Variants in HNRNPUL1 observed in about 807,000 individuals in gnomAD.
The protein encoded by HNRNPUL1 is heterogeneous nuclear ribonucleoprotein U-like protein 1.
In HNRNPUL1, 14 loss-of-function variants were observed where a neutral mutation model predicts 108.5. The ratio of observed to expected loss-of-function variants is 0.13; its 90% CI spans 0.09 to 0.20. HNRNPUL1 has a LOEUF of 0.20. HNRNPUL1 is among the 10% of genes least tolerant of loss of function. HNRNPUL1 has a pLI of 1.00. For missense variants in HNRNPUL1, 804 were observed against 1,168.3 expected (o/e 0.69, Z 4.55); for synonymous variants, 422 against 445.2 (o/e 0.95, Z 0.66).
chr19:41,297,637 C>T (rs1295697237), intron 10 of HNRNPUL1, among the ~76,000 whole-genome samples: 1 of 152,170 alleles, frequency 6.6e-6, no homozygotes, highest in Non-Finnish European at 1.5e-5. Flanking sequence ...TTCTGGGGAG[C>T]CTCCGCAGGG....
intron 7 of HNRNPUL1, among the ~76,000 whole-genome samples, chr19:41,285,337 C>T (rs1177275610): frequency 6.6e-6 from 1 of 152,160 alleles, no homozygotes; most frequent in Non-Finnish European, 1.5e-5. Flanking sequence ...AGCTATTCTA[C>T]CTCAGCGACC....
rs753929167 is a variant in HNRNPUL1 at position 41,268,351 on chromosome 19, A to G, written c.418+6A>G. On this transcript the variant is annotated splice_donor_region_variant and intron_variant, in intron 2 of 14. Transcript: ENST00000392006. ...GCAGCAGGCCTATCGTCCAGGTAGG[A>G]AAATACACATGGTTCATCTCTTTGG... 45 of 1,612,974 alleles carry G rather than the reference A, an allele frequency of 2.8e-5. No homozygotes were observed. The highest frequency in any genetic ancestry group is 3.8e-5 in the Non-Finnish European group (45 of 1,179,562).
At chr19:41,303,891 A>G (rs1352157961) in intron 12 of HNRNPUL1, 81 bp from the exon 13 acceptor site, 2 of 1,516,676 alleles carry the variant, frequency 1.3e-6, no homozygotes, top group East Asian at 4.5e-5. Flanking sequence ...GCCGGCTCAC[A>G]GTAGTCACCA....
intron 1 of HNRNPUL1, among the ~76,000 whole-genome samples, chr19:41,267,089 A>G (rs2034899080): frequency 6.6e-6 from 1 of 152,206 alleles, no homozygotes. Context: ...GCTTAAAGAT[A>G]TTGGCAAGTC....
chr19:41,270,697 G>A (rs1460273552), intron 2 of HNRNPUL1, among the ~76,000 whole-genome samples: 1 of 147,872 alleles, frequency 6.8e-6, no homozygotes, highest in East Asian at 2.1e-4. Context: ...CCAGGTTCAA[G>A]TGATTCTCCT....
chr19:41,265,244 TG>T, intron 1 of HNRNPUL1: 1 of 1,463,352 alleles, frequency 6.8e-7, no homozygotes, highest in Non-Finnish European at 9.0e-7. Context: ...GTTTCCAGGG[TG>T]GGGAAGGAAT....
rs1471739177 is a variant in HNRNPUL1, at chr19:41,270,543, GTA to G, written c.419-1535_419-1534del. Among the ~76,000 whole-genome samples, 3 of 149,176 alleles carry G rather than the reference GTA, an allele frequency of 2.0e-5. No individual in the cohort carries two copies. In the East Asian group the frequency reaches 6.0e-4, roughly 30 times the overall value. ...ACTTAGGATTTCCCAATCATGTTAA[GTA>G]TATGTCTTTACAGAACAAAGTTCCC... On this transcript the variant is annotated intron_variant, in intron 2 of 14. Coordinates refer to ENST00000392006, the MANE Select transcript of HNRNPUL1 (RefSeq NM_007040.6).
intron 10 of HNRNPUL1, chr19:41,298,565 C>T (rs1406376839): frequency 6.6e-6 from 1 of 152,224 alleles, no homozygotes; most frequent in African/African-American, 2.4e-5. Flanking sequence ...TGCATTTCTG[C>T]TGGTGTGGTT....
At chr19:41,266,151 C>T (rs886216559) in intron 1 of HNRNPUL1, among the ~76,000 whole-genome samples, 3 of 152,082 alleles carry the variant, frequency 2.0e-5, no homozygotes, top group South Asian at 4.1e-4. Context: ...AAGCAGCTTT[C>T]GGGCCGAGTG....
chr19:41,276,312 A>G lies in HNRNPUL1; in HGVS notation c.786+14A>G, dbSNP rs374879490. On this transcript the variant is annotated intron_variant, in intron 5 of 14. Transcript: ENST00000392006. Reference sequence around the variant, plus strand: ...TTCGAGATGAAGGTGAGTAGGAGCAAGAGAAGGGGAAGGGACAGAGAAGTC... The same window carrying G: ...TTCGAGATGAAGGTGAGTAGGAGCAGGAGAAGGGGAAGGGACAGAGAAGTC... 179 of 1,596,490 alleles carry G rather than the reference A, an allele frequency of 1.1e-4. No homozygotes were observed. The African/African-American group carries it at 2.2e-3, about 20-fold the overall frequency.
intron 10 of HNRNPUL1, among the ~76,000 whole-genome samples, chr19:41,297,442 G>C (rs998165138): frequency 6.6e-6 from 1 of 152,232 alleles, no homozygotes; most frequent in African/African-American, 2.4e-5. Context: ...AAAGGCTGCA[G>C]AGGAGAGAGA....
In HNRNPUL1 at chr19:41,304,218, C is replaced by T; in HGVS notation, c.2219C>T (p.Ala740Val). 1 of 1,613,290 alleles carries T rather than the reference C, an allele frequency of 6.2e-7. No homozygotes were observed. The highest frequency in any genetic ancestry group is 8.5e-7 in the Non-Finnish European group (1 of 1,179,478). Residue 740 changes from alanine to valine, a missense_variant, in exon 13 of 15, where the codon GCC becomes GTC. By Grantham distance (64) the Ala-to-Val change is moderately conservative (BLOSUM62 0). Transcript: ENST00000392006. ...NKNSNIPGSS[A>V]NTSTPTVSSY... The stretch of plus-strand genomic sequence containing the variant: ...AACAGCAACATCCCTGGCTCAAGCG[C>T]CAATACCAGCACCCCCACCGTCAGC...
chr19:41,272,356 C>G, intron 3 of HNRNPUL1, 121 bp downstream of exon 3: 1 of 1,036,620 alleles, frequency 9.6e-7, no homozygotes, highest in East Asian at 2.4e-5. Context: ...TCTGCTTTCA[C>G]ACTCTTCCTG....
At chr19:41,302,990 C>T (rs375499827) in intron 12 of HNRNPUL1, 41 bp downstream of exon 12, 45 of 1,504,950 alleles carry the variant, frequency 3.0e-5, no homozygotes, top group Non-Finnish European at 3.8e-5. Context: ...TTTCTGTTCC[C>T]AGGTTGGGGC....
At chr19:41,275,342 C>T (rs1184964779) in intron 4 of HNRNPUL1, among the ~76,000 whole-genome samples, 1 of 151,960 alleles carries the variant, frequency 6.6e-6, no homozygotes, top group African/African-American at 2.4e-5. Context: ...TAAAAATCAC[C>T]CTGGCATGGT....
upstream of HNRNPUL1, chr19:41,264,192 G>T (rs570853854): frequency 3.1e-4 from 90 of 287,764 alleles, no homozygotes; most frequent in African/African-American, 1.9e-3. Flanking sequence ...CCTCGGCTTC[G>T]ACGTAGGCCA....
Position 41,279,108 on chromosome 19 carries a change from C to T in HNRNPUL1, c.818C>T (p.Pro273Leu), listed in dbSNP as rs1274808146. Residue 273 changes from proline (P) to leucine (L), a missense_variant, in exon 6 of 15, where the codon CCG becomes CTG. Pro to Leu is a moderately conservative substitution (Grantham distance 98). Around this residue, in one of 4 missense-constraint regions of HNRNPUL1, gnomAD observed 174 missense variants for 296.6 expected, o/e 0.59. Coordinates refer to ENST00000392006, the MANE Select transcript of HNRNPUL1 (RefSeq NM_007040.6). Reference sequence around the variant, plus strand: ...GAGGAAATCTCCGTGAAGCACCTTCCGTCTACAGAGCCTGACCCCCACGTG... The same window carrying T: ...GAGGAAATCTCCGTGAAGCACCTTCTGTCTACAGAGCCTGACCCCCACGTG... Reference protein sequence around the residue: ...INEEISVKHLPSTEPDPHVVR... With the variant: ...INEEISVKHLLSTEPDPHVVR... 4 of 1,613,904 alleles carry T rather than the reference C, an allele frequency of 2.5e-6. No homozygotes were observed. The highest frequency in any genetic ancestry group is 1.3e-5 in the African/African-American group (1 of 74,906).
At chr19:41,304,366 T>C in intron 13 of HNRNPUL1, 105 bp downstream of exon 13, 3 of 1,507,748 alleles carry the variant, frequency 2.0e-6, no homozygotes, top group Admixed American at 2.3e-5. Flanking sequence ...ATGCCCCAGC[T>C]ACTGGTCTTC....
Position 41,264,576 on chromosome 19 carries a change from C to T in HNRNPUL1, c.73C>T (p.Leu25Phe), listed in dbSNP as rs768734124. The change falls in exon 1 of 15, where the codon CTC (leucine) becomes TTC (phenylalanine). Residue 25 changes from leucine to phenylalanine, a missense_variant. Transcript: ENST00000392006. ...LQRRGLDTRG[L>F]KAELAERLQA... ...GCGCCGCGGCCTGGACACTCGAGGC[C>T]TCAAGGCCGAGCTTGCTGAGCGGCT... 3.8e-6 allele frequency: 6 copies of T among 1,565,372 alleles called. No individual in the cohort carries two copies. Among genetic ancestry groups the T allele is most frequent in the Admixed American group, 3.6e-5 (2 of 56,262 alleles).
Sources: allele counts gnomAD v4.1 joint callset (sites outside exome capture counted in the v4.1 genomes callset), GRCh38; gene constraint gnomAD v4.1.1; regional missense constraint gnomAD v4.1.1; transcripts MANE v1.5; gene names NCBI Gene and HGNC (gene_info 2026-07-23, HGNC 2026-07-21).